Variants in ATRNL1 observed in about 807,000 individuals in gnomAD.
The protein encoded by ATRNL1 is attractin-like protein 1.
ATRNL1 carries 95 observed loss-of-function variants against 182.7 expected under a neutral mutation model. That is an observed-to-expected ratio of 0.52 (90% CI 0.44 to 0.62). The LOEUF (loss-of-function observed/expected upper bound fraction) is 0.62, where lower values mean the gene tolerates loss of function less well. ATRNL1 is among the 20% of genes least tolerant of loss of function. The pLI is 0.00. For synonymous variants in ATRNL1, 576 were observed against 568.3 expected (o/e 1.01, Z -0.19); for missense variants, 1,471 against 1,679.5 (o/e 0.88, Z 2.17).
chr10:115,882,472 CTTCA>C (rs1555108815), intron 28 of ATRNL1, among the ~76,000 whole-genome samples: 1 of 152,178 alleles, frequency 6.6e-6, no homozygotes, highest in African/African-American at 2.4e-5. Flanking sequence ...TATTTTCATA[CTTCA>C]TTCACATGTG....
intron 18 of ATRNL1, among the ~76,000 whole-genome samples, chr10:115,322,739 T>C (rs2134035553): frequency 6.6e-6 from 1 of 152,236 alleles, no homozygotes. Context: ...ATTTCTCCAA[T>C]TTTCTAAAGG....
rs1389366817 is a variant in ATRNL1 at position 115,286,361 on chromosome 10, A to G, written c.2379A>G (p.Glu793=). Residue 793 remains glutamate, a synonymous_variant, in exon 15 of 29, where the codon GAA becomes GAG. Coordinates refer to ENST00000355044, the MANE Select transcript of ATRNL1 (RefSeq NM_207303.4). ...CATTAACAACCTCAAAAGAAGTAGA[A>G]TTTGTTCTGGATGAAATACAGAAGT... The part of the protein sequence containing the change: ...LASLTTSKEV[E]FVLDEIQKYT... 6.2e-7 allele frequency: 1 copy of G among 1,605,096 alleles called. No homozygotes were observed. The highest frequency in any genetic ancestry group is 8.5e-7 in the Non-Finnish European group (1 of 1,174,090).
intron 26 of ATRNL1, among the ~76,000 whole-genome samples, chr10:115,722,024 C>T (rs1401933393): frequency 1.3e-5 from 2 of 152,062 alleles, no homozygotes; most frequent in Non-Finnish European, 2.9e-5. Flanking sequence ...TTTATGGAAT[C>T]TCGCATTATT....
At position 115,945,510 on chromosome 10, in the gene ATRNL1, G is replaced by C. The variant is rs1417264703; in HGVS notation, c.*731G>C. 1.3e-5 allele frequency: 2 copies of C among 152,144 alleles called. No homozygotes were observed. The highest frequency in any genetic ancestry group is 4.8e-5 in the African/African-American group (2 of 41,432). 9.4% of individuals were successfully genotyped at this position (152,144 alleles called of 1,614,324 possible). A position where few individuals can be genotyped will look rare whatever the true frequency, so the allele number is the denominator to read the frequency against. On this transcript the variant is annotated 3_prime_UTR_variant, in exon 29 of 29. Coordinates refer to ENST00000355044, the MANE Select transcript of ATRNL1 (RefSeq NM_207303.4). ...TAGAGCATGGAAAAGTCTGTCCAGC[G>C]ATCAGTTGTTCCCCTCCTTCCAAAA...
intron 27 of ATRNL1, among the ~76,000 whole-genome samples, chr10:115,831,218 G>A (rs1024908456): frequency 3.4e-4 from 52 of 152,062 alleles, no homozygotes; most frequent in African/African-American, 1.2e-3. Context: ...TCCCGGGAGA[G>A]AATGAGCATG....
At chr10:115,735,344 C>G (rs1555065129) in intron 27 of ATRNL1, among the ~76,000 whole-genome samples, 1 of 152,034 alleles carries the variant, frequency 6.6e-6, no homozygotes, top group Non-Finnish European at 1.5e-5. Context: ...GTGGGAGGGT[C>G]ACACTCACAC....
At chr10:115,561,712 T>G (rs1262936150) in intron 26 of ATRNL1, among the ~76,000 whole-genome samples, 1 of 150,870 alleles carries the variant, frequency 6.6e-6, no homozygotes, top group African/African-American at 2.4e-5. Context: ...TGGGTGTGTG[T>G]GTGTGTGTGT....
intron 8 of ATRNL1, among the ~76,000 whole-genome samples, chr10:115,200,453 C>A (rs1413340118): frequency 6.8e-6 from 1 of 147,700 alleles, no homozygotes; most frequent in Non-Finnish European, 1.5e-5. Context: ...GTTCAATTCC[C>A]ATCTATGAGT....
chr10:115,478,117 G>T (rs1848613323), intron 24 of ATRNL1, among the ~76,000 whole-genome samples: 1 of 151,628 alleles, frequency 6.6e-6, no homozygotes. Context: ...CTGTCAAATG[G>T]GAGATGATAA....
At chr10:115,151,125 T>C (rs1252485557) in intron 5 of ATRNL1, among the ~76,000 whole-genome samples, 4 of 152,246 alleles carry the variant, frequency 2.6e-5, no homozygotes, top group African/African-American at 9.6e-5. Context: ...CTATCATTGA[T>C]GGACATTTGG....
intron 24 of ATRNL1, among the ~76,000 whole-genome samples, chr10:115,510,351 G>A (rs1774107956): frequency 6.6e-6 from 1 of 151,996 alleles, no homozygotes; most frequent in Non-Finnish European, 1.5e-5. Flanking sequence ...CCTGAAAGGT[G>A]CAGTCAGTCA....
At chr10:115,298,720 A>G (rs557077370) in intron 15 of ATRNL1, among the ~76,000 whole-genome samples, 5 of 152,198 alleles carry the variant, frequency 3.3e-5, no homozygotes, top group Admixed American at 2.6e-4. Flanking sequence ...ATTAAGTACC[A>G]TCTTTGTTTT....
chr10:115,230,007 C>T (rs1592291796), intron 9 of ATRNL1, among the ~76,000 whole-genome samples: 1 of 152,148 alleles, frequency 6.6e-6, no homozygotes, highest in East Asian at 1.9e-4. Context: ...TATCCCCCTC[C>T]ATTATTCTTA....
At chr10:115,340,475 TC>T (rs201829029) in intron 19 of ATRNL1, among the ~76,000 whole-genome samples, 20,749 of 122,866 alleles carry the variant, frequency 0.17, 2,371 homozygotes, top group Non-Finnish European at 0.23. Flanking sequence ...TCTTTTCTTT[TC>T]TTTTTTTTTT....
At chr10:115,678,716 G>T (rs11197404) in intron 26 of ATRNL1, among the ~76,000 whole-genome samples, 1 of 152,026 alleles carries the variant, frequency 6.6e-6, no homozygotes, top group African/African-American at 2.4e-5. Flanking sequence ...AGTGCATGTA[G>T]GTTATTTATA....
At chr10:115,212,841 C>T (rs887632059) in intron 8 of ATRNL1, among the ~76,000 whole-genome samples, 5 of 151,718 alleles carry the variant, frequency 3.3e-5, no homozygotes, top group Non-Finnish European at 2.9e-5. Flanking sequence ...ACACTGGGGC[C>T]TATTGGAGGT....
chr10:115,188,620 TC>T (rs1554889233), intron 8 of ATRNL1, among the ~76,000 whole-genome samples: 1 of 152,174 alleles, frequency 6.6e-6, no homozygotes, highest in East Asian at 1.9e-4. Context: ...ATAATTAATG[TC>T]ATTTAATGTT....
chr10:115,906,870 C>G (rs75572085), intron 28 of ATRNL1, among the ~76,000 whole-genome samples: 2 of 151,816 alleles, frequency 1.3e-5, no homozygotes, highest in African/African-American at 4.9e-5. Flanking sequence ...TATGTACCAG[C>G]GCTTTGTAAA....
chr10:115,454,749 C>T (rs556174955), intron 21 of ATRNL1, among the ~76,000 whole-genome samples: 1 of 151,876 alleles, frequency 6.6e-6, no homozygotes, highest in South Asian at 2.1e-4. Context: ...GATTTTGTAT[C>T]CTGCAACACT....
Sources: gnomAD v4.1 joint callset for allele counts (sites outside exome capture counted in the v4.1 genomes callset) on GRCh38, gnomAD v4.1.1 for gene constraint, MANE v1.5 for transcripts, NCBI Gene and HGNC (gene_info 2026-07-23, HGNC 2026-07-21) for gene names.